Variants in KCNT1 observed in about 807,000 individuals in gnomAD.
KCNT1 encodes the protein potassium channel subfamily T member 1.
Under a neutral mutation model 147.8 loss-of-function variants are expected in KCNT1, and 78 were observed. The ratio of observed to expected loss-of-function variants is 0.53; its 90% confidence interval spans 0.44 to 0.64. The LOEUF is 0.64. Among genes scored for constraint, KCNT1 ranks in the 30% least tolerant of loss-of-function variants. The pLI is 0.00. For synonymous variants in KCNT1, 867 were observed against 748.8 expected (o/e 1.16, Z -2.58); for missense variants, 1,419 against 1,750.3 (o/e 0.81, Z 3.38).
In KCNT1 at chr9:135,730,402, G is replaced by A. The variant is rs1049786976; in HGVS notation, c.254+15682G>A. 2.0e-5 allele frequency among the ~76,000 whole-genome samples: 3 copies of A among 152,242 alleles called. No individual in the cohort carries two copies. The highest frequency in any genetic ancestry group is 7.2e-5 in the African/African-American group (3 of 41,464). ...CGTGGTGAGGGGGATTAGCAGATAT[G>A]ATTAAGTGGAGGGCCTTGAAGATGG... On this transcript the variant is annotated intron_variant, in intron 2 of 30. Transcript: ENST00000371757. The surrounding 1 kb of genome is among the most constrained non-coding windows in gnomAD (Gnocchi z 4.7).
intron 10 of KCNT1, among the ~76,000 whole-genome samples, chr9:135,758,811 G>A (rs1442896732): frequency 6.6e-6 from 1 of 152,226 alleles, no homozygotes; most frequent in Non-Finnish European, 1.5e-5. Flanking sequence ...AGGCCAGGTG[G>A]GGTCTCTTGG....
rs1397684035 is a variant in KCNT1 at position 135,770,570 on chromosome 9, G to A, written c.1769+123G>A. On this transcript the variant is annotated intron_variant, in intron 17 of 30. Transcript: ENST00000371757. Reference sequence around the variant, plus strand: ...GGGGCTGCAGAGGGCTCGGGGGAGGGCATCAGGTCATCCTGCCTGGCGAGG... The same window carrying A: ...GGGGCTGCAGAGGGCTCGGGGGAGGACATCAGGTCATCCTGCCTGGCGAGG... 19 of 1,269,790 alleles carry A rather than the reference G, an allele frequency of 1.5e-5. No homozygotes were observed. In the East Asian group the frequency reaches 4.2e-4, roughly 28 times the overall value. 78.7% of individuals were successfully genotyped at this position (1,269,790 alleles called of 1,614,324 possible). A position where few individuals can be genotyped will look rare whatever the true frequency, so the allele number is the denominator to read the frequency against.
Position 135,714,358 on chromosome 9 carries a change from C to A in KCNT1, c.111-219C>A, listed in dbSNP as rs1288606314. 6.5e-6 allele frequency: 1 copy of A among 152,724 alleles called. No homozygotes were observed. Among genetic ancestry groups the A allele is most frequent in the Admixed American group, 6.6e-5 (1 of 15,184 alleles). 9.5% of individuals were successfully genotyped at this position (152,724 alleles called of 1,614,324 possible). A position where few individuals can be genotyped will look rare whatever the true frequency, so the allele number is the denominator to read the frequency against. On this transcript the variant is annotated intron_variant, in intron 1 of 30. Coordinates refer to ENST00000371757, the MANE Select transcript of KCNT1 (RefSeq NM_020822.3). The surrounding 1 kb of genome is among the most constrained non-coding windows in gnomAD (Gnocchi z 6.2). Reference sequence around the variant, plus strand: ...TTTGGAGGGAGCCCCGCCCCCTGCCCCTGCGCAGCCCCCGCCCTAGCCCCA... The same window carrying A: ...TTTGGAGGGAGCCCCGCCCCCTGCCACTGCGCAGCCCCCGCCCTAGCCCCA...
intron 13 of KCNT1, among the ~76,000 whole-genome samples, chr9:135,768,240 CGGGGG>C (rs751932639): frequency 0.2 from 1,040 of 5,076 alleles, 127 homozygotes; most frequent in Admixed American, 0.31. Context: ...AGGATGCCTG[CGGGGG>C]GGGGGGGGGG....
At chr9:135,723,434 G>A (rs778277863) in intron 2 of KCNT1, among the ~76,000 whole-genome samples, 5 of 152,254 alleles carry the variant, frequency 3.3e-5, no homozygotes, top group Admixed American at 1.3e-4. Context: ...GCCATTGCCC[G>A]AGGCTTGGCT....
Position 135,750,176 on chromosome 9 carries a change from G to T in KCNT1, c.333G>T (p.Ser111=), listed in dbSNP as rs56008253. The part of the protein sequence containing the change: ...LKLFFIKNQR[S]SLRIRLFNFS... ...TGTTCTTCATCAAAAACCAAAGATC[G>T]AGTGAGTGGGGTGCCTGGAGGGCCA... The change falls in exon 3 of 31, where the codon TCG becomes TCT. Residue 111 remains serine, a splice_region_variant and synonymous_variant. Coordinates refer to ENST00000371757, the MANE Select transcript of KCNT1 (RefSeq NM_020822.3). 6.2e-7 allele frequency: 1 copy of T among 1,612,924 alleles called. No individual in the cohort carries two copies.
chr9:135,758,877 C>T (rs898704139), intron 10 of KCNT1, among the ~76,000 whole-genome samples: 6 of 152,160 alleles, frequency 3.9e-5, no homozygotes, highest in South Asian at 2.1e-4. Context: ...GTGGGGGTGC[C>T]CAGAGCTGCG....
chr9:135,772,855 G>A lies in KCNT1; in HGVS notation c.2149G>A (p.Ala717Thr). Residue 717 changes from alanine to threonine, a missense_variant, in exon 19 of 31, where the codon GCC (alanine) becomes ACC (threonine). Around this residue, in one of 5 missense-constraint regions of KCNT1, gnomAD observed 284 missense variants for 292.8 expected, o/e 0.97. Coordinates refer to ENST00000371757, the MANE Select transcript of KCNT1 (RefSeq NM_020822.3). ...RPSIAPVLEL[A>T]DSSALLPCDL... ...CAGCATCGCGCCCGTCCTGGAACTG[G>A]CCGACAGCTCAGCCCTGCTGCCCTG... The A allele has an allele frequency of 6.5e-7, 1 of 1,547,824 alleles. No individual in the cohort carries two copies. Among genetic ancestry groups the A allele is most frequent in the African/African-American group, 1.4e-5 (1 of 73,266 alleles).
Position 135,764,117 on chromosome 9 carries a change from C to T in KCNT1, c.1036-914C>T, listed in dbSNP as rs942150529. Among the ~76,000 whole-genome samples the T allele has an allele frequency of 2.6e-5, 4 of 152,156 alleles. No individual in the cohort carries two copies. The South Asian group carries it at 8.3e-4, about 32-fold the overall frequency. On this transcript the variant is annotated intron_variant, in intron 11 of 30. Transcript: ENST00000371757. ...TTAGACCAGACGATAGCACATCAGC[C>T]ATGCAGCCCACAGTCCATGGGAGCT...
intron 29 of KCNT1, 112 bp downstream of exon 29, chr9:135,786,633 G>A (rs1463410523): frequency 2.9e-6 from 3 of 1,030,720 alleles, no homozygotes; most frequent in East Asian, 2.9e-5. Context: ...CCTCCTGTCT[G>A]TCATCTGTCT....
Position 135,786,400 on chromosome 9 carries a change from G to A in KCNT1, c.3381G>A (p.Ala1127=), listed in dbSNP as rs762220012. Reference sequence around the variant, plus strand: ...AGGCGCCCAAGCAGGCAGGCCGGGCGGCGGCCGCGGAGTGGATCAGCCAGC... The same window carrying A: ...AGGCGCCCAAGCAGGCAGGCCGGGCAGCGGCCGCGGAGTGGATCAGCCAGC... The part of the protein sequence containing the change: ...SRKAPKQAGR[A]AAAEWISQQR... The change falls in exon 29 of 31, where the codon GCG becomes GCA. Residue 1127 remains alanine, a synonymous_variant. Coordinates refer to ENST00000371757, the MANE Select transcript of KCNT1 (RefSeq NM_020822.3). 2.0e-5 allele frequency: 31 copies of A among 1,573,906 alleles called. No individual in the cohort carries two copies. Among genetic ancestry groups the A allele is most frequent in the African/African-American group, 8.1e-5 (6 of 74,038 alleles).
intron 12 of KCNT1, 38 bp from the exon 13 acceptor site, chr9:135,765,586 G>C (rs768498261): frequency 1.3e-6 from 2 of 1,585,982 alleles, no homozygotes; most frequent in East Asian, 2.3e-5. Context: ...CGGGGCAGGG[G>C]CTGGCTCAGA....
At chr9:135,771,850 C>T (rs567058642) in intron 18 of KCNT1, among the ~76,000 whole-genome samples, 2 of 152,318 alleles carry the variant, frequency 1.3e-5, no homozygotes, top group African/African-American at 4.8e-5. Context: ...GACCCACAGC[C>T]GGGCCAGCAT....
Position 135,772,815 on chromosome 9 carries a change from G to A in KCNT1, c.2109G>A (p.Ser703=), listed in dbSNP as rs767200583. The A allele has an allele frequency of 2.4e-5, 37 of 1,514,454 alleles. 1 individual carries two copies. The highest frequency in any genetic ancestry group is 5.0e-5 in the East Asian group (2 of 39,878). 93.8% of individuals were successfully genotyped at this position (1,514,454 alleles called of 1,614,324 possible). A position where few individuals can be genotyped will look rare whatever the true frequency, so the allele number is the denominator to read the frequency against. Residue 703 remains serine (S), a synonymous_variant, in exon 19 of 31, where the codon TCG becomes TCA. Coordinates refer to ENST00000371757, the MANE Select transcript of KCNT1 (RefSeq NM_020822.3). ...SKLALPTENG[S]GSRRPSIAPV... ...TGGCACTGCCCACGGAGAACGGCTC[G>A]GGCAGCCGGCGGCCCAGCATCGCGC...
rs984137663 is a variant in KCNT1, at chr9:135,794,340, G to A, written c.*2179G>A. The A allele has an allele frequency of 6.6e-6, 1 of 152,414 alleles. No individual in the cohort carries two copies. The highest frequency in any genetic ancestry group is 1.5e-5 in the Non-Finnish European group (1 of 68,174). 9.4% of individuals were successfully genotyped at this position (152,414 alleles called of 1,614,324 possible). ...TGAGCGGAGCCCCCCAAAGAGGGCT[G>A]AAGGCTTGCTGCCCAAGAGGGGCTG... is the stretch of plus-strand genomic sequence containing the variant. On this transcript the variant is annotated 3_prime_UTR_variant, in exon 31 of 31. Coordinates refer to ENST00000371757, the MANE Select transcript of KCNT1 (RefSeq NM_020822.3).
At chr9:135,753,470 G>A (rs897875836) in intron 4 of KCNT1, among the ~76,000 whole-genome samples, 20 of 152,292 alleles carry the variant, frequency 1.3e-4, no homozygotes, top group South Asian at 6.2e-4. Context: ...GTCAGCACCT[G>A]GGGATAGGAG....
chr9:135,788,195 A>T, intron 29 of KCNT1: 2 of 1,582,322 alleles, frequency 1.3e-6, no homozygotes, highest in South Asian at 2.2e-5. Context: ...CGACCACCGC[A>T]CAACGGGGCT....
intron 2 of KCNT1, among the ~76,000 whole-genome samples, chr9:135,715,966 C>T (rs915635307): frequency 1.2e-4 from 19 of 152,144 alleles, no homozygotes; most frequent in African/African-American, 3.9e-4. Flanking sequence ...GAACTCAGTG[C>T]TCTAATAATG....
At chr9:135,776,404 C>T (rs746452271) in intron 20 of KCNT1, among the ~76,000 whole-genome samples, 5 of 151,922 alleles carry the variant, frequency 3.3e-5, no homozygotes, top group South Asian at 4.2e-4. Context: ...AACACAGGCA[C>T]GCACCACCAC....
Sources: gnomAD v4.1 joint callset for allele counts (sites outside exome capture counted in the v4.1 genomes callset) on GRCh38, gnomAD v4.1.1 for gene constraint, gnomAD v4.1.1 regional missense constraint, Gnocchi (gnomAD v3.1) non-coding constraint, MANE v1.5 for transcripts, NCBI Gene and HGNC (gene_info 2026-07-23, HGNC 2026-07-21) for gene names.